Variants in AK4 observed in about 807,000 individuals in gnomAD.
AK4 encodes the protein adenylate kinase 4.
In AK4, 13 loss-of-function variants were observed where a neutral mutation model predicts 24.6. That is an observed-to-expected ratio of 0.53 (90% CI 0.34 to 0.84). AK4 has a LOEUF of 0.84. AK4 is among the 40% of genes least tolerant of loss of function. AK4 has a pLI of 0.01. For missense variants in AK4, 192 were observed against 288.2 expected (o/e 0.67, Z 2.42); for synonymous variants, 88 against 107.0 (o/e 0.82, Z 1.10).
chr1:65,148,578 G>T, intron 1 of AK4, 26 bp downstream of exon 1: 8 of 1,574,748 alleles, frequency 5.1e-6, no homozygotes, highest in East Asian at 2.3e-5. Context: ...GACGAGGGCC[G>T]GGGGCGAGCC....
At chr1:65,191,891 A>G (rs1651319521) in intron 2 of AK4, among the ~76,000 whole-genome samples, 1 of 152,170 alleles carries the variant, frequency 6.6e-6, no homozygotes, top group Admixed American at 6.5e-5. Flanking sequence ...TTAAGCAATA[A>G]TAGCAGTGGG....
Position 65,210,775 on chromosome 1 carries a change from G to A in AK4, c.266-7979G>A, listed in dbSNP as rs868010386. Among the ~76,000 whole-genome samples the A allele has an allele frequency of 7.2e-5, 11 of 151,866 alleles. No individual in the cohort carries two copies. The Middle Eastern group carries it at 0.01, about 141-fold the overall frequency. On this transcript the variant is annotated intron_variant, in intron 2 of 4. Coordinates refer to ENST00000327299, the MANE Select transcript of AK4 (RefSeq NM_013410.4). Reference sequence around the variant, plus strand: ...CCTTCATTTTTTCCCAGTACCGTCCGCCCCCTGCCATGCAATTTATCCTGA... The same window carrying A: ...CCTTCATTTTTTCCCAGTACCGTCCACCCCCTGCCATGCAATTTATCCTGA...
chr1:65,178,729 C>T (rs537495253), intron 1 of AK4, among the ~76,000 whole-genome samples: 37 of 152,282 alleles, frequency 2.4e-4, no homozygotes, highest in Admixed American at 4.6e-4. Context: ...GGGGTGTCCA[C>T]CTCTGTCTTC....
At chr1:65,148,649 C>G (rs1649654208) in intron 1 of AK4, 97 bp downstream of exon 1, 4 of 1,418,788 alleles carry the variant, frequency 2.8e-6, no homozygotes, top group African/African-American at 3.0e-5. Context: ...CGCCCTTCCC[C>G]CGCCCGCGTG....
rs79370220 is a variant in AK4, at chr1:65,159,347, T to C, written c.145+10795T>C. ...ATCATTTGCTTTACAAATAAATAAA[T>C]GGCCTCAGAAAGGTTGAGTAACTAA... On this transcript the variant is annotated intron_variant, in intron 1 of 4. Coordinates refer to ENST00000327299, the MANE Select transcript of AK4 (RefSeq NM_013410.4). Among the ~76,000 whole-genome samples the C allele has an allele frequency of 3.3e-3, 506 of 152,342 alleles. 2 individuals are homozygous for C. The highest frequency in any genetic ancestry group is 0.017 in the Middle Eastern group (5 of 294).
chr1:65,209,989 GTAGA>G (rs1211804090), intron 2 of AK4, among the ~76,000 whole-genome samples: 5 of 152,036 alleles, frequency 3.3e-5, no homozygotes, highest in Non-Finnish European at 7.4e-5. Context: ...AAATTATTTT[GTAGA>G]GACAGGATCT....
chr1:65,223,205 A>AT (rs996632676), intron 3 of AK4, among the ~76,000 whole-genome samples: 3 of 151,336 alleles, frequency 2.0e-5, no homozygotes, highest in Non-Finnish European at 4.4e-5. Context: ...TTTTATTTAA[A>AT]TTTTTTTGAG....
intron 1 of AK4, among the ~76,000 whole-genome samples, chr1:65,169,116 C>T (rs1220823328): frequency 2.1e-5 from 3 of 144,278 alleles, no homozygotes; most frequent in African/African-American, 5.2e-5. Context: ...TTCAAGGATA[C>T]AGTGAGCTAT....
At chr1:65,154,742 C>G (rs150779258) in intron 1 of AK4, 5 of 263,594 alleles carry the variant, frequency 1.9e-5, no homozygotes, top group Non-Finnish European at 3.9e-5. Flanking sequence ...AAACAAAGAA[C>G]GCTCTTACAA....
rs188250350 is a variant in AK4, at chr1:65,200,166, T to C, written c.265+9337T>C. On this transcript the variant is annotated intron_variant, in intron 2 of 4. Transcript: ENST00000327299. Reference sequence around the variant, plus strand: ...TTTGTTTTTGCTGCCCAGGCTGGAGTGCAATGGTGCGATCTTGGCTCACTG... The same window carrying C: ...TTTGTTTTTGCTGCCCAGGCTGGAGCGCAATGGTGCGATCTTGGCTCACTG... Among the ~76,000 whole-genome samples the C allele has an allele frequency of 2.6e-5, 4 of 152,092 alleles. No individual in the cohort carries two copies. The East Asian group carries it at 7.7e-4, about 29-fold the overall frequency.
chr1:65,152,835 T>C (rs566746776), intron 1 of AK4, among the ~76,000 whole-genome samples: 1 of 152,284 alleles, frequency 6.6e-6, no homozygotes, highest in Non-Finnish European at 1.5e-5. Flanking sequence ...TTGGTGCTCA[T>C]TAAGTATAAA....
intron 1 of AK4, among the ~76,000 whole-genome samples, chr1:65,159,861 G>A (rs889693206): frequency 2.6e-5 from 4 of 151,378 alleles, no homozygotes; most frequent in Admixed American, 1.3e-4. Flanking sequence ...CCAGCTACTC[G>A]AGAGGCTGAG....
chr1:65,154,546 G>A lies in AK4; in HGVS notation c.145+5994G>A, dbSNP rs543525791. 35 of 525,148 alleles carry A rather than the reference G, an allele frequency of 6.7e-5. No homozygotes were observed. The East Asian group carries it at 8.3e-4, about 13-fold the overall frequency. 32.5% of individuals were successfully genotyped at this position (525,148 alleles called of 1,614,324 possible). ...CAGCCAGGGTTCTCGCTCTTGTCGC[G>A]TCTGTTCAAACCGGCACTGTCTGAT... On this transcript the variant is annotated intron_variant, in intron 1 of 4. Transcript: ENST00000327299.
chr1:65,162,677 CAA>C (rs202226743), intron 1 of AK4, among the ~76,000 whole-genome samples: 1 of 137,984 alleles, frequency 7.2e-6, no homozygotes. Context: ...ACCAACTCTA[CAA>C]AAAAAAAAAG....
intron 1 of AK4, chr1:65,154,641 GT>G: frequency 2.1e-6 from 1 of 472,080 alleles, no homozygotes. Flanking sequence ...GTTTTATTAA[GT>G]TGGACTAAAT....
intron 1 of AK4, among the ~76,000 whole-genome samples, chr1:65,170,354 C>T (rs373161242): frequency 6.6e-5 from 10 of 151,912 alleles, no homozygotes; most frequent in Admixed American, 2.0e-4. Context: ...GGTGACAGAG[C>T]GAGACTCCGT....
intron 3 of AK4, among the ~76,000 whole-genome samples, chr1:65,219,232 C>T (rs1257050954): frequency 6.6e-6 from 1 of 151,256 alleles, no homozygotes; most frequent in Non-Finnish European, 1.5e-5. Context: ...AAAAATAAAA[C>T]TAAAAGTCTA....
intron 2 of AK4, among the ~76,000 whole-genome samples, chr1:65,214,204 G>A (rs1210700582): frequency 1.3e-5 from 2 of 151,984 alleles, no homozygotes; most frequent in Non-Finnish European, 1.5e-5. Flanking sequence ...TTCCACCTCC[G>A]GGTTCAAGTG....
At chr1:65,203,390 T>G (rs1266766244) in intron 2 of AK4, among the ~76,000 whole-genome samples, 1 of 152,164 alleles carries the variant, frequency 6.6e-6, no homozygotes, top group East Asian at 1.9e-4. Context: ...CTTACATAGA[T>G]GTTAGGACTT....
Sources: allele counts gnomAD v4.1 joint callset (sites outside exome capture counted in the v4.1 genomes callset), GRCh38; gene constraint gnomAD v4.1.1; transcripts MANE v1.5; gene names NCBI Gene and HGNC (gene_info 2026-07-23, HGNC 2026-07-21).